Variants in CDK19 observed in about 807,000 individuals in gnomAD.
CDK19 encodes cyclin dependent kinase 19, also known as cyclin-dependent kinase 19.
In CDK19, 20 loss-of-function variants were observed where a neutral mutation model predicts 68.3. The observed-to-expected ratio is 0.29, with a 90% confidence interval of 0.21 to 0.43. The LOEUF is 0.43. CDK19 is among the 20% of genes least tolerant of loss of function. The pLI is 1.00. For missense variants in CDK19, 339 were observed against 623.5 expected, an observed-to-expected ratio of 0.54 and a Z score of 4.86; for synonymous variants, 221 against 222.8, an observed-to-expected ratio of 0.99 and a Z score of 0.07.
At chr6:110,647,142 C>T (rs1157521757) in intron 4 of CDK19, among the ~76,000 whole-genome samples, 1 of 152,186 alleles carries the variant, frequency 6.6e-6, no homozygotes, top group African/African-American at 2.4e-5. Context: ...GAGGGAACAA[C>T]CGCCTCCTGG....
At chr6:110,772,902 A>C (rs1463476831) in intron 1 of CDK19, among the ~76,000 whole-genome samples, 1 of 151,694 alleles carries the variant, frequency 6.6e-6, no homozygotes, top group Admixed American at 6.6e-5. Flanking sequence ...AAAAAAAAAA[A>C]AAAAAGAGAG....
chr6:110,713,717 T>C (rs553742271), intron 2 of CDK19, among the ~76,000 whole-genome samples: 1 of 152,222 alleles, frequency 6.6e-6, no homozygotes, highest in South Asian at 2.1e-4. Flanking sequence ...ACTTTGGTAA[T>C]ATTTTACTAA....
chr6:110,654,754 A>C (rs1050059291), intron 4 of CDK19, among the ~76,000 whole-genome samples: 2 of 152,304 alleles, frequency 1.3e-5, no homozygotes, highest in South Asian at 4.1e-4. Flanking sequence ...CAGCCTGACC[A>C]ACATGGAGAA....
intron 1 of CDK19, among the ~76,000 whole-genome samples, chr6:110,804,744 A>G (rs1782562231): frequency 6.7e-6 from 1 of 150,148 alleles, no homozygotes; most frequent in Non-Finnish European, 1.5e-5. Context: ...TCACGAGGTC[A>G]GGAGAACGAG....
rs151194071 is a variant in CDK19, at chr6:110,716,550, T to C, written c.204+29576A>G. Among the ~76,000 whole-genome samples, 22 of 152,284 alleles carry C rather than the reference T, an allele frequency of 1.4e-4. No homozygotes were observed. The East Asian group carries it at 4.0e-3, about 28-fold the overall frequency. Reference sequence around the variant, plus strand: ...CTGTCTTAGATCATGGCAAAGAATCTTTCTACAAAAAGATTATAGAAGTAT... The same window carrying C: ...CTGTCTTAGATCATGGCAAAGAATCCTTCTACAAAAAGATTATAGAAGTAT... On this transcript the variant is annotated intron_variant, in intron 2 of 12. Coordinates refer to ENST00000368911, the MANE Select transcript of CDK19 (RefSeq NM_015076.5).
intron 1 of CDK19, among the ~76,000 whole-genome samples, chr6:110,760,193 C>T (rs1051485010): frequency 2.6e-5 from 4 of 151,836 alleles, no homozygotes; most frequent in Non-Finnish European, 4.4e-5. Context: ...GCCAGAAATT[C>T]GAGACTAGCC....
chr6:110,797,357 A>C (rs1583125383), intron 1 of CDK19, among the ~76,000 whole-genome samples: 1 of 152,268 alleles, frequency 6.6e-6, no homozygotes, highest in Admixed American at 6.5e-5. Context: ...AAAGAAAAAA[A>C]AGGCTTTTTC....
At position 110,638,592 on chromosome 6, in the gene CDK19, C is replaced by T. The variant is rs1472136058; in HGVS notation, c.514+57G>A. ...TAAATAAGGGCATTAAAAAGGGAAACCATCTTTGCAGTTAACTTCAGTTTT... is the reference window on the plus strand; with the variant it reads ...TAAATAAGGGCATTAAAAAGGGAAATCATCTTTGCAGTTAACTTCAGTTTT... On this transcript the variant is annotated intron_variant, in intron 5 of 12. Transcript: ENST00000368911. 11 of 850,964 alleles carry T rather than the reference C, an allele frequency of 1.3e-5. No individual in the cohort carries two copies. The African/African-American group carries it at 1.5e-4, about 12-fold the overall frequency. 52.7% of individuals were successfully genotyped at this position (850,964 alleles called of 1,614,324 possible). A position where few individuals can be genotyped will look rare whatever the true frequency, so the allele number is the denominator to read the frequency against.
chr6:110,721,421 T>C (rs1582947482), intron 2 of CDK19, among the ~76,000 whole-genome samples: 1 of 152,100 alleles, frequency 6.6e-6, no homozygotes, highest in African/African-American at 2.4e-5. Context: ...TCTCCAACCA[T>C]ATCACTTCTT....
At chr6:110,687,847 T>C (rs1261779668) in intron 2 of CDK19, among the ~76,000 whole-genome samples, 2 of 152,240 alleles carry the variant, frequency 1.3e-5, no homozygotes. Flanking sequence ...GATAATTTTG[T>C]GTTTTGCAGT....
Position 110,638,716 on chromosome 6 carries a change from A to C in CDK19, c.457-10T>G. On this transcript the variant is annotated splice_polypyrimidine_tract_variant and intron_variant, in intron 4 of 12. Coordinates refer to ENST00000368911, the MANE Select transcript of CDK19 (RefSeq NM_015076.5). ...GGATATTTGCTGGTTTCTAGAAATA[A>C]AAATAGAGCATTCAAATTACCATGT... 6.8e-7 allele frequency: 1 copy of C among 1,469,540 alleles called. No individual in the cohort carries two copies. The highest frequency in any genetic ancestry group is 9.5e-7 in the Non-Finnish European group (1 of 1,051,398). The allele number at this position is 1,469,540 out of a possible 1,614,324, so 91.0% of individuals were successfully genotyped here.
intron 2 of CDK19, among the ~76,000 whole-genome samples, chr6:110,678,953 C>T (rs1013226034): frequency 6.6e-6 from 1 of 152,160 alleles, no homozygotes; most frequent in Non-Finnish European, 1.5e-5. Context: ...GATCTGTACA[C>T]GTACCTGTTT....
At chr6:110,657,791 CCT>C (rs1781394705) in intron 4 of CDK19, among the ~76,000 whole-genome samples, 1 of 152,060 alleles carries the variant, frequency 6.6e-6, no homozygotes, top group Admixed American at 6.5e-5. Flanking sequence ...GAGCCCTGAC[CCT>C]GAGTTAAACC....
At position 110,733,198 on chromosome 6, in the gene CDK19, T is replaced by C. The variant is rs1467009399; in HGVS notation, c.204+12928A>G. 2.0e-5 allele frequency among the ~76,000 whole-genome samples: 3 copies of C among 152,184 alleles called. No homozygotes were observed. In the East Asian group the frequency reaches 5.8e-4, roughly 29 times the overall value. ...CTTAAATTTCATATAAATAAAACCA[T>C]ACCCATATGTGTTATTTTGTATCTG... On this transcript the variant is annotated intron_variant, in intron 2 of 12. Transcript: ENST00000368911.
At chr6:110,713,542 G>C (rs960474705) in intron 2 of CDK19, among the ~76,000 whole-genome samples, 2 of 150,774 alleles carry the variant, frequency 1.3e-5, no homozygotes, top group African/African-American at 4.9e-5. Context: ...GAGTAGCTAG[G>C]ACTACTACCA....
intron 4 of CDK19, among the ~76,000 whole-genome samples, chr6:110,644,161 C>T (rs1780387271): frequency 6.6e-6 from 1 of 151,752 alleles, no homozygotes; most frequent in Admixed American, 6.6e-5. Context: ...GCATGATGGC[C>T]CGTGCCTGTA....
At position 110,815,269 on chromosome 6, in the gene CDK19, C is replaced by CTCTCGCGCG; in HGVS notation, c.-134_-133insCGCGCGAGA. Reference sequence around the variant, plus strand: ...CGCGCGCGCGCGCGCCGCCCGCCGCCCGCCGCTCCGCGGTCCGCCTTCAGC... The same window carrying CTCTCGCGCG: ...CGCGCGCGCGCGCGCCGCCCGCCGCCTCTCGCGCGCGCCGCTCCGCGGTCCGCCTTCAGC... On this transcript the variant is annotated 5_prime_UTR_variant, in exon 1 of 13. Coordinates refer to ENST00000368911, the MANE Select transcript of CDK19 (RefSeq NM_015076.5). 1.9e-6 allele frequency: 2 copies of CTCTCGCGCG among 1,055,638 alleles called. No individual in the cohort carries two copies. The highest frequency in any genetic ancestry group is 2.5e-6 in the Non-Finnish European group (2 of 804,696). 65.4% of individuals were successfully genotyped at this position (1,055,638 alleles called of 1,614,324 possible). A position where few individuals can be genotyped will look rare whatever the true frequency, so the allele number is the denominator to read the frequency against.
intron 2 of CDK19, among the ~76,000 whole-genome samples, chr6:110,694,369 A>G (rs1773299930): frequency 6.6e-6 from 1 of 152,216 alleles, no homozygotes; most frequent in Admixed American, 6.5e-5. Flanking sequence ...CTATTCTTAT[A>G]TCAGACAACA....
intron 1 of CDK19, among the ~76,000 whole-genome samples, chr6:110,803,325 C>T (rs1196098137): frequency 1.3e-5 from 2 of 152,160 alleles, no homozygotes; most frequent in Non-Finnish European, 2.9e-5. Context: ...GTGATCCACC[C>T]GCCTTGGCCT....
Sources: gnomAD v4.1 joint callset for allele counts (sites outside exome capture counted in the v4.1 genomes callset) on GRCh38, gnomAD v4.1.1 for gene constraint, MANE v1.5 for transcripts, NCBI Gene and HGNC (gene_info 2026-07-23, HGNC 2026-07-21) for gene names.